The following CHCHD3 variants were observed in gnomAD, a reference collection of about 807,000 sequenced individuals.
The protein encoded by CHCHD3 is MICOS complex subunit MIC19.
A neutral mutation model predicts 38.2 loss-of-function variants in CHCHD3; 20 were observed. That is an observed-to-expected ratio of 0.52 (90% CI 0.37 to 0.76). CHCHD3 has a LOEUF of 0.76. Ranked by LOEUF, CHCHD3 falls within the 30% of genes least tolerant of loss-of-function variation. CHCHD3 has a pLI of 0.00. For missense variants in CHCHD3, 245 were observed against 279.2 expected (o/e 0.88, Z 0.87); for synonymous variants, 82 against 100.0 (o/e 0.82, Z 1.07).
chr7:132,803,466 A>T (rs934304335), intron 6 of CHCHD3, among the ~76,000 whole-genome samples: 5 of 152,214 alleles, frequency 3.3e-5, no homozygotes, highest in Non-Finnish European at 7.3e-5. Flanking sequence ...TATACAATGC[A>T]TCAATCATAG....
chr7:132,827,911 C>T lies in CHCHD3; in HGVS notation c.524+10488G>A, dbSNP rs150351978. Among the ~76,000 whole-genome samples, 698 of 152,218 alleles carry T rather than the reference C, an allele frequency of 4.6e-3. 5 individuals are homozygous for T. The highest frequency in any genetic ancestry group is 0.016 in the African/African-American group (664 of 41,528). On this transcript the variant is annotated intron_variant, in intron 6 of 7. Transcript: ENST00000262570. ...TGTATGAATATAAAGTAGAAAACTG[C>T]GCTTTTTATCCCTATATTCCAATCA...
chr7:133,046,782 C>G (rs1238704788), intron 2 of CHCHD3, among the ~76,000 whole-genome samples: 2 of 152,198 alleles, frequency 1.3e-5, no homozygotes, highest in African/African-American at 4.8e-5. Flanking sequence ...CCAGGATGGT[C>G]TCAATCTCCT....
chr7:132,979,026 A>G (rs1353721565), intron 3 of CHCHD3, among the ~76,000 whole-genome samples: 1 of 152,172 alleles, frequency 6.6e-6, no homozygotes, highest in East Asian at 1.9e-4. Flanking sequence ...CTCTGAACAA[A>G]TTCTCATTTC....
chr7:132,884,982 T>TG (rs563135754), intron 5 of CHCHD3, among the ~76,000 whole-genome samples: 66 of 152,356 alleles, frequency 4.3e-4, no homozygotes, highest in Middle Eastern at 3.4e-3. Flanking sequence ...CCAGGTGCAG[T>TG]GGCTCATGCC....
At chr7:133,075,001 G>A (rs192165152) in intron 1 of CHCHD3, among the ~76,000 whole-genome samples, 2 of 152,218 alleles carry the variant, frequency 1.3e-5, no homozygotes, top group Non-Finnish European at 2.9e-5. Context: ...TCTCTGTAAG[G>A]TGCATGAGGA....
chr7:132,936,152 C>T (rs183830138), intron 4 of CHCHD3, among the ~76,000 whole-genome samples: 2 of 152,116 alleles, frequency 1.3e-5, no homozygotes, highest in African/African-American at 2.4e-5. Context: ...AATTTAAGAA[C>T]GTACGTGGAG....
chr7:132,923,605 T>C (rs1460580574), intron 4 of CHCHD3, among the ~76,000 whole-genome samples: 1 of 152,168 alleles, frequency 6.6e-6, no homozygotes, highest in Non-Finnish European at 1.5e-5. Context: ...AGGGTTCTAA[T>C]GTACGTTCAG....
chr7:132,865,289 T>C (rs1372547869), intron 5 of CHCHD3, among the ~76,000 whole-genome samples: 1 of 152,152 alleles, frequency 6.6e-6, no homozygotes. Flanking sequence ...AGAGAAACCT[T>C]CAGATAACAA....
chr7:133,058,595 C>T (rs1038405828), intron 2 of CHCHD3, among the ~76,000 whole-genome samples: 2 of 152,132 alleles, frequency 1.3e-5, no homozygotes, highest in Non-Finnish European at 2.9e-5. Flanking sequence ...TCAAATTTAT[C>T]CTGATTTTAA....
chr7:132,859,074 C>T (rs898271907), intron 5 of CHCHD3, among the ~76,000 whole-genome samples: 12 of 152,096 alleles, frequency 7.9e-5, no homozygotes, highest in Non-Finnish European at 1.5e-5. Flanking sequence ...ACTGTATTAA[C>T]GTACTGATTT....
At chr7:133,073,890 T>C (rs570362188) in intron 1 of CHCHD3, among the ~76,000 whole-genome samples, 1 of 152,318 alleles carries the variant, frequency 6.6e-6, no homozygotes, top group African/African-American at 2.4e-5. Context: ...ATATTACATA[T>C]CCTGTTCTAC....
chr7:132,837,063 A>G (rs1807803121), intron 6 of CHCHD3, among the ~76,000 whole-genome samples: 1 of 152,168 alleles, frequency 6.6e-6, no homozygotes, highest in African/African-American at 2.4e-5. Flanking sequence ...CCACCTACTC[A>G]ATACTCTTCT....
chr7:133,002,202 ATTTTGTATCAAAAGT>A (rs1165099257), intron 3 of CHCHD3, among the ~76,000 whole-genome samples: 1 of 152,214 alleles, frequency 6.6e-6, no homozygotes, highest in Non-Finnish European at 1.5e-5. Flanking sequence ...AAGAATAAGC[ATTTTGTATCAAAAGT>A]TTAATATGTG....
intron 5 of CHCHD3, among the ~76,000 whole-genome samples, chr7:132,878,504 C>G (rs992157634): frequency 2.0e-5 from 3 of 152,222 alleles, no homozygotes; most frequent in African/African-American, 7.2e-5. Flanking sequence ...ATTAGCAACT[C>G]TCTCCACAGG....
chr7:133,036,818 T>C (rs1177324389), intron 2 of CHCHD3, among the ~76,000 whole-genome samples: 1 of 152,232 alleles, frequency 6.6e-6, no homozygotes, highest in African/African-American at 2.4e-5. Context: ...TCCTGACTGA[T>C]GCTGTATAAC....
chr7:132,986,975 C>G (rs1243634535), intron 3 of CHCHD3, among the ~76,000 whole-genome samples: 1 of 152,106 alleles, frequency 6.6e-6, no homozygotes, highest in African/African-American at 2.4e-5. Flanking sequence ...CAATAAGAAC[C>G]TATTTTCTAG....
intron 4 of CHCHD3, among the ~76,000 whole-genome samples, chr7:132,944,560 A>G (rs1810850560): frequency 6.6e-6 from 1 of 152,062 alleles, no homozygotes; most frequent in Non-Finnish European, 1.5e-5. Context: ...TAATAGAAAT[A>G]TTACATTTTT....
chr7:132,809,454 G>C (rs1807011078), intron 6 of CHCHD3, among the ~76,000 whole-genome samples: 1 of 152,110 alleles, frequency 6.6e-6, no homozygotes, highest in Non-Finnish European at 1.5e-5. Context: ...ACGAATTCTA[G>C]TGAATGAATA....
intron 5 of CHCHD3, among the ~76,000 whole-genome samples, chr7:132,848,237 A>G (rs1165962118): frequency 6.6e-6 from 1 of 152,238 alleles, no homozygotes; most frequent in Non-Finnish European, 1.5e-5. Flanking sequence ...CCAGGGTGCC[A>G]CAAACACCAA....
Sources: allele counts gnomAD v4.1 joint callset (sites outside exome capture counted in the v4.1 genomes callset), GRCh38; gene constraint gnomAD v4.1.1; transcripts MANE v1.5; gene names NCBI Gene and HGNC (gene_info 2026-07-23, HGNC 2026-07-21).